The following MDN1 variants were observed in gnomAD, a reference collection of about 807,000 sequenced individuals.
MDN1 encodes the protein midasin.
A neutral mutation model predicts 669.2 loss-of-function variants in MDN1; 266 were observed. That is an observed-to-expected ratio of 0.40 (90% CI 0.36 to 0.44). The LOEUF (loss-of-function observed/expected upper bound fraction) is 0.44, where lower values mean the gene tolerates loss of function less well. Ranked by LOEUF, MDN1 falls within the 20% of genes least tolerant of loss-of-function variation. MDN1 has a pLI of 1.00. For synonymous variants in MDN1, 2,385 were observed against 2,457.1 expected (o/e 0.97, Z 0.87); for missense variants, 5,940 against 6,754.0 (o/e 0.88, Z 4.22).
intron 27 of MDN1, among the ~76,000 whole-genome samples, chr6:89,746,832 G>C (rs1022402462): frequency 2.0e-5 from 3 of 152,000 alleles, no homozygotes; most frequent in Non-Finnish European, 4.4e-5. Flanking sequence ...TTTCAAATCA[G>C]AAGATTCCAA....
chr6:89,749,097 T>TA (rs1562176790), intron 26 of MDN1, 126 bp downstream of exon 26: 5 of 907,010 alleles, frequency 5.5e-6, no homozygotes, highest in Non-Finnish European at 7.8e-6. Flanking sequence ...TTAAAAACAA[T>TA]AAAAAATAAA....
chr6:89,650,250 A>T, intron 96 of MDN1, 52 bp from the exon 97 acceptor site: 2 of 1,542,872 alleles, frequency 1.3e-6, no homozygotes, highest in Non-Finnish European at 8.8e-7. Flanking sequence ...AATTCCTGAG[A>T]ATTTTTATTA....
intron 33 of MDN1, among the ~76,000 whole-genome samples, chr6:89,736,945 G>A (rs1010946042): frequency 6.6e-6 from 1 of 152,198 alleles, no homozygotes; most frequent in Non-Finnish European, 1.5e-5. Context: ...ATCACCTGAG[G>A]CTTTGTTAGA....
At chr6:89,744,116 A>C (rs911701913) in intron 29 of MDN1, among the ~76,000 whole-genome samples, 55 of 144,704 alleles carry the variant, frequency 3.8e-4, no homozygotes, top group Non-Finnish European at 7.0e-4. Flanking sequence ...AAAAAAAAAA[A>C]AAAAAAAAAA....
intron 17 of MDN1, 70 bp from the exon 18 acceptor site, chr6:89,759,030 A>G: frequency 6.8e-7 from 1 of 1,475,020 alleles, no homozygotes; most frequent in Non-Finnish European, 9.3e-7. Context: ...ACAGTTATGC[A>G]AGCAGGGTTA....
At chr6:89,674,825 C>T (rs1811074220) in intron 78 of MDN1, among the ~76,000 whole-genome samples, 1 of 152,166 alleles carries the variant, frequency 6.6e-6, no homozygotes, top group Non-Finnish European at 1.5e-5. Flanking sequence ...ACAGTGACTT[C>T]AACTAGCATT....
chr6:89,754,264 T>C, intron 20 of MDN1, 34 bp from the exon 21 acceptor site: 1 of 1,598,500 alleles, frequency 6.3e-7, no homozygotes, highest in Non-Finnish European at 8.5e-7. Flanking sequence ...CAATTTTATT[T>C]ACTAATAAGT....
At chr6:89,815,040 G>T in intron 1 of MDN1, 1 of 516,772 alleles carries the variant, frequency 1.9e-6, no homozygotes. Context: ...GGAGGAGGAA[G>T]AAAGGGGTAC....
intron 1 of MDN1, among the ~76,000 whole-genome samples, chr6:89,810,717 G>A (rs1326575922): frequency 6.6e-6 from 1 of 152,018 alleles, no homozygotes. Context: ...GTCATATTGT[G>A]CTGGGTGTGG....
chr6:89,700,549 A>G, intron 56 of MDN1, 97 bp downstream of exon 56: 1 of 1,238,044 alleles, frequency 8.1e-7, no homozygotes, highest in Non-Finnish European at 1.1e-6. Flanking sequence ...CCCTCACATC[A>G]CCCAGAAAAG....
Position 89,680,671 on chromosome 6 carries a change from C to T in MDN1, c.12183G>A (p.Arg4061=). The stretch of plus-strand genomic sequence containing the variant: ...TCAGGCACATCTTCCTCATGCGTTT[C>T]CTGAGCTTTGGCAAGCGACGCAGAA... ...GELLRRLPKL[R]KRMRKMCLTF... Residue 4061 remains arginine, a synonymous_variant, in exon 74 of 102, where the codon AGG becomes AGA. Coordinates refer to ENST00000369393, the MANE Select transcript of MDN1 (RefSeq NM_014611.3). 1 of 1,614,172 alleles carries T rather than the reference C, an allele frequency of 6.2e-7. No individual in the cohort carries two copies. The highest frequency in any genetic ancestry group is 8.5e-7 in the Non-Finnish European group (1 of 1,180,042).
At chr6:89,694,301 C>A in intron 61 of MDN1, 118 bp from the exon 62 acceptor site, 1 of 792,880 alleles carries the variant, frequency 1.3e-6, no homozygotes, top group Non-Finnish European at 2.1e-6. Context: ...CCTGAATGAC[C>A]CAAGGAGAGG....
chr6:89,749,521 G>A (rs1232254407), intron 25 of MDN1, 22 bp downstream of exon 25: 1 of 1,611,550 alleles, frequency 6.2e-7, no homozygotes, highest in South Asian at 1.1e-5. Flanking sequence ...CAAATTGAAG[G>A]AAGGAGACAA....
Position 89,803,530 on chromosome 6 carries a change from A to T in MDN1, c.127T>A (p.Cys43Ser), listed in dbSNP as rs534590056. 1 of 1,613,546 alleles carries T rather than the reference A, an allele frequency of 6.2e-7. No individual in the cohort carries two copies. ...AACTGTGCTAAGGTACTCAGGACAC[A>T]CTGGCGATCTTGAGGTGTCCACACC... ...KQVWTPQDRQ[C>S]VLSTLAQLLL... is the part of the protein sequence containing the mutation. The change falls in exon 2 of 102, where the codon TGT becomes AGT. Residue 43 changes from cysteine to serine, a missense_variant. By Grantham distance (112) the Cys-to-Ser change is moderately radical. This residue lies in a region of MDN1 where 1,203 missense variants were observed against 1,268.9 expected (regional missense o/e 0.95). Coordinates refer to ENST00000369393, the MANE Select transcript of MDN1 (RefSeq NM_014611.3).
chr6:89,698,355 G>T (rs954363883), intron 59 of MDN1, among the ~76,000 whole-genome samples: 5 of 152,200 alleles, frequency 3.3e-5, no homozygotes, highest in South Asian at 2.1e-4. Flanking sequence ...GGGAGAAAAT[G>T]CAAGAAACTT....
In MDN1 at chr6:89,723,594, A is replaced by G; in HGVS notation, c.5696T>C (p.Ile1899Thr). 6 of 1,596,074 alleles carry G rather than the reference A, an allele frequency of 3.8e-6. No homozygotes were observed. Among genetic ancestry groups the G allele is most frequent in the South Asian group, 1.1e-5 (1 of 88,042 alleles). Reference sequence around the variant, plus strand: ...AGTACTGGCAATGAACTCCATGTCAATTACTGTAAGGGGATCAACGAAGAC... The same window carrying G: ...AGTACTGGCAATGAACTCCATGTCAGTTACTGTAAGGGGATCAACGAAGAC... ...TQVFVDPLTV[I>T]DMEFIASTLF... Residue 1899 changes from isoleucine (I) to threonine (T), a missense_variant, in exon 39 of 102, where the codon ATT becomes ACT. Coordinates refer to ENST00000369393, the MANE Select transcript of MDN1 (RefSeq NM_014611.3).
chr6:89,673,990 G>A (rs1232554066), intron 79 of MDN1, 114 bp downstream of exon 79: 13 of 1,309,382 alleles, frequency 9.9e-6, no homozygotes, highest in Non-Finnish European at 1.2e-5. Context: ...AGGTTCCAGG[G>A]CTGTCTAAAA....
chr6:89,722,706 A>C lies in MDN1; in HGVS notation c.5967+249T>G, dbSNP rs141040920. On this transcript the variant is annotated intron_variant, in intron 40 of 101. Coordinates refer to ENST00000369393, the MANE Select transcript of MDN1 (RefSeq NM_014611.3). ...CTACTAAATACAAAAAATTAGCCGG[A>C]ACTGGTGGCTTATGCCTGTAATCCC... Among the ~76,000 whole-genome samples the C allele has an allele frequency of 4.3e-4, 66 of 152,174 alleles. No homozygotes were observed. In the East Asian group the frequency reaches 0.012, roughly 28 times the overall value.
At chr6:89,778,935 A>AAAAT (rs376846501) in intron 11 of MDN1, among the ~76,000 whole-genome samples, 6 of 126,712 alleles carry the variant, frequency 4.7e-5, no homozygotes, top group Admixed American at 1.6e-4. Flanking sequence ...AATAAATAAA[A>AAAAT]AAAAAGGTAT....
Sources: gnomAD v4.1 joint callset for allele counts (sites outside exome capture counted in the v4.1 genomes callset) on GRCh38, gnomAD v4.1.1 for gene constraint, gnomAD v4.1.1 regional missense constraint, MANE v1.5 for transcripts, NCBI Gene and HGNC (gene_info 2026-07-23, HGNC 2026-07-21) for gene names.